Variants in SGIP1 observed in about 807,000 individuals in gnomAD.
SGIP1 encodes the protein SH3-containing GRB2-like protein 3-interacting protein 1.
In SGIP1, 38 loss-of-function variants were observed where a neutral mutation model predicts 107.5. The ratio of observed to expected loss-of-function variants is 0.35; its 90% CI spans 0.27 to 0.46. The LOEUF is 0.46. Ranked by LOEUF, SGIP1 falls within the 20% of genes least tolerant of loss-of-function variation. The pLI, the probability that SGIP1 is intolerant of heterozygous loss-of-function variation, is 1.00. For missense variants in SGIP1, 929 were observed against 1,019.5 expected, an observed-to-expected ratio of 0.91 and a Z score of 1.21; for synonymous variants, 365 against 366.1, an observed-to-expected ratio of 1.00 and a Z score of 0.03.
intron 18 of SGIP1, 37 bp downstream of exon 18, chr1:66,695,530 C>T (rs1158437904): frequency 1.3e-6 from 2 of 1,592,018 alleles, no homozygotes; most frequent in African/African-American, 1.3e-5. Context: ...CTAATTTATA[C>T]TCCTCCTCAT....
At chr1:66,661,420 C>T (rs2081444208) in intron 8 of SGIP1, among the ~76,000 whole-genome samples, 1 of 152,130 alleles carries the variant, frequency 6.6e-6, no homozygotes, top group Admixed American at 6.5e-5. Flanking sequence ...GCACCACATA[C>T]AGGATACTGT....
chr1:66,573,388 C>T (rs1028205604), intron 1 of SGIP1, among the ~76,000 whole-genome samples: 4 of 152,080 alleles, frequency 2.6e-5, no homozygotes, highest in Non-Finnish European at 2.9e-5. Flanking sequence ...TACCACTTAA[C>T]CCAGCAATCT....
At chr1:66,672,175 A>G (rs1047259522) in intron 11 of SGIP1, among the ~76,000 whole-genome samples, 180 bp downstream of exon 11, 6 of 152,182 alleles carry the variant, frequency 3.9e-5, no homozygotes, top group Non-Finnish European at 1.5e-5. Context: ...GTGCAGCCCA[A>G]GGGAGACCTT....
At chr1:66,740,019 C>G (rs1391548821) in intron 22 of SGIP1, among the ~76,000 whole-genome samples, 4 of 152,214 alleles carry the variant, frequency 2.6e-5, no homozygotes, top group African/African-American at 7.2e-5. Flanking sequence ...GTCAAGAAAG[C>G]TGCAGGAGAA....
intron 15 of SGIP1, 137 bp downstream of exon 15, chr1:66,682,506 C>A: frequency 1.9e-6 from 2 of 1,055,830 alleles, no homozygotes; most frequent in Non-Finnish European, 2.8e-6. Flanking sequence ...TGTCCTGTGG[C>A]CCCACAGCAT....
chr1:66,604,506 G>A (rs1249377687), intron 1 of SGIP1, among the ~76,000 whole-genome samples: 1 of 152,194 alleles, frequency 6.6e-6, no homozygotes, highest in African/African-American at 2.4e-5. Flanking sequence ...ACATTAAGCT[G>A]TGTAAACTTC....
chr1:66,546,851 G>T (rs1245633213), intron 1 of SGIP1, among the ~76,000 whole-genome samples: 2 of 152,146 alleles, frequency 1.3e-5, no homozygotes, highest in Non-Finnish European at 2.9e-5. Context: ...AATTTGCTAG[G>T]TGGGTAAGAA....
At chr1:66,693,020 A>C (rs185037935) in intron 17 of SGIP1, among the ~76,000 whole-genome samples, 1 of 152,286 alleles carries the variant, frequency 6.6e-6, no homozygotes, top group Admixed American at 6.5e-5. Flanking sequence ...TATACGACTA[A>C]GAAAGGGGAG....
intron 19 of SGIP1, among the ~76,000 whole-genome samples, chr1:66,724,088 G>A (rs1032682435): frequency 6.6e-6 from 1 of 152,164 alleles, no homozygotes; most frequent in Non-Finnish European, 1.5e-5. Context: ...AACAGACCTA[G>A]GGGTTTTGTT....
rs1334321403 is a variant in SGIP1 at position 66,675,537 on chromosome 1, CTTTCTTTT to C, written c.647-1463_647-1456del. On this transcript the variant is annotated intron_variant, in intron 12 of 24. Transcript: ENST00000371037. ...TTTCGTTGTTTTTCTTTTTCTTTTTCTTTCTTTTTTTTTTTTTTTTTTGACAGAATCTC... is the reference window on the plus strand; with the variant it reads ...TTTCGTTGTTTTTCTTTTTCTTTTTCTTTTTTTTTTTTTTGACAGAATCTC... Among the ~76,000 whole-genome samples the C allele has an allele frequency of 6.4e-5, 7 of 109,242 alleles. No individual in the cohort carries two copies. In the East Asian group the frequency reaches 1.2e-3, roughly 19 times the overall value. 71.7% of individuals were successfully genotyped at this position (109,242 alleles called of 152,430 possible). A position where few individuals can be genotyped will look rare whatever the true frequency, so the allele number is the denominator to read the frequency against.
intron 2 of SGIP1, among the ~76,000 whole-genome samples, chr1:66,630,204 C>T (rs1171223822): frequency 6.6e-6 from 1 of 152,158 alleles, no homozygotes; most frequent in Non-Finnish European, 1.5e-5. Flanking sequence ...TTGTGGAAGA[C>T]CATCCCAACG....
Position 66,562,260 on chromosome 1 carries a change from G to C in SGIP1, c.10+27892G>C, listed in dbSNP as rs151124056. Among the ~76,000 whole-genome samples the C allele has an allele frequency of 6.7e-3, 1,014 of 152,062 alleles. 8 individuals carry two copies. Among genetic ancestry groups the C allele is most frequent in the African/African-American group, 0.023 (961 of 41,514 alleles). On this transcript the variant is annotated intron_variant, in intron 1 of 24. Transcript: ENST00000371037. ...CTTCTAATCTAGACTCTGCACAACA[G>C]CTAGTTTTAATTTTTCATTTCATTT... is the stretch of plus-strand genomic sequence containing the variant.
At chr1:66,565,922 G>A (rs2059575745) in intron 1 of SGIP1, among the ~76,000 whole-genome samples, 1 of 151,980 alleles carries the variant, frequency 6.6e-6, no homozygotes, top group South Asian at 2.1e-4. Context: ...AGGAAATACT[G>A]AAATCAAGTG....
intron 1 of SGIP1, among the ~76,000 whole-genome samples, chr1:66,571,054 G>A (rs1014775720): frequency 1.3e-5 from 2 of 151,994 alleles, no homozygotes; most frequent in African/African-American, 2.4e-5. Flanking sequence ...CCAATGGGAT[G>A]CAATATAAAG....
intron 1 of SGIP1, among the ~76,000 whole-genome samples, chr1:66,601,156 G>T (rs114163802): frequency 0.01 from 1,562 of 152,220 alleles, 11 homozygotes; most frequent in Admixed American, 0.017. Flanking sequence ...GAGGTTAGAA[G>T]ATCGAGACCA....
At chr1:66,720,296 C>CTG (rs1435958270) in intron 19 of SGIP1, among the ~76,000 whole-genome samples, 1 of 152,166 alleles carries the variant, frequency 6.6e-6, no homozygotes, top group African/African-American at 2.4e-5. Flanking sequence ...CTAAGTCAGA[C>CTG]TTATTTTCAA....
intron 1 of SGIP1, among the ~76,000 whole-genome samples, chr1:66,570,433 A>G (rs1481515516): frequency 1.3e-5 from 2 of 151,896 alleles, no homozygotes; most frequent in Admixed American, 6.6e-5. Context: ...AAAATACTTT[A>G]CAATGTTAAG....
intron 7 of SGIP1, among the ~76,000 whole-genome samples, chr1:66,659,017 G>A (rs898619153): frequency 1.3e-5 from 2 of 152,142 alleles, no homozygotes; most frequent in Non-Finnish European, 2.9e-5. Flanking sequence ...GCAGCGAAGT[G>A]CAGGCTTCAT....
At chr1:66,574,934 C>A (rs1213300430) in intron 1 of SGIP1, among the ~76,000 whole-genome samples, 1 of 152,142 alleles carries the variant, frequency 6.6e-6, no homozygotes, top group Non-Finnish European at 1.5e-5. Flanking sequence ...TTTTATGAAA[C>A]CATGGTGCTA....
Sources: allele counts gnomAD v4.1 joint callset (sites outside exome capture counted in the v4.1 genomes callset), GRCh38; gene constraint gnomAD v4.1.1; transcripts MANE v1.5; gene names NCBI Gene and HGNC (gene_info 2026-07-23, HGNC 2026-07-21).